Variants in BRWD3 observed in about 807,000 individuals in gnomAD.
The protein encoded by BRWD3 is bromodomain and WD repeat domain containing 3, also known as bromodomain and WD repeat-containing protein 3.
BRWD3 carries 10 observed loss-of-function variants against 149.7 expected under a neutral mutation model. That is an observed-to-expected ratio of 0.07 (90% CI 0.04 to 0.11). BRWD3 has a LOEUF of 0.11. BRWD3 is among the 10% of genes least tolerant of loss of function. BRWD3 has a pLI of 1.00. For missense variants in BRWD3, 940 were observed against 1,373.2 expected, an observed-to-expected ratio of 0.68 and a Z score of 4.99; for synonymous variants, 504 against 456.7, an observed-to-expected ratio of 1.10 and a Z score of -1.32.
chrX:80,733,690 G>A (rs1290415658), intron 11 of BRWD3, among the ~76,000 whole-genome samples, 194 bp from the exon 12 acceptor site: 1 of 109,607 alleles, frequency 9.1e-6, no homozygotes, highest in African/African-American at 3.3e-5. Context: ...CAGACATAGG[G>A]AAACCTCACA....
chrX:80,682,145 C>T (rs1168931455), intron 38 of BRWD3, 51 bp from the exon 39 acceptor site: 2 of 1,004,395 alleles, frequency 2.0e-6, no homozygotes, highest in Admixed American at 4.5e-5. Flanking sequence ...CTGTTAGCAA[C>T]ATATTATGAT....
chrX:80,778,802 C>G (rs1330667187), intron 6 of BRWD3, among the ~76,000 whole-genome samples: 2 of 111,520 alleles, frequency 1.8e-5, no homozygotes, highest in Non-Finnish European at 3.8e-5. Flanking sequence ...AGTTTGAGAC[C>G]AGCCCAGCCA....
At chrX:80,708,394 CTT>C (rs749740989) in intron 21 of BRWD3, among the ~76,000 whole-genome samples, 22 of 53,396 alleles carry the variant, frequency 4.1e-4, no homozygotes, top group African/African-American at 4.3e-4. Context: ...AGACTCTTGT[CTT>C]TTTTTTTTTT....
chrX:80,698,719 A>AT (rs2072738798), intron 25 of BRWD3, among the ~76,000 whole-genome samples: 1 of 107,546 alleles, frequency 9.3e-6, no homozygotes, highest in Non-Finnish European at 1.9e-5. Context: ...AAAAAAAAAA[A>AT]AAGAGTAAGA....
At position 80,742,914 on chromosome X, in the gene BRWD3, C is replaced by T. The variant is rs1299193209; in HGVS notation, c.813+1118G>A. 2.7e-5 allele frequency among the ~76,000 whole-genome samples: 3 copies of T among 111,153 alleles called. No homozygotes were observed. The East Asian group carries it at 8.5e-4, about 31-fold the overall frequency. On this transcript the variant is annotated intron_variant, in intron 8 of 40. Coordinates refer to ENST00000373275, the MANE Select transcript of BRWD3 (RefSeq NM_153252.5). ...CCTTCTCCTGCCTGATTGCCCTGGC[C>T]AGAACTTCCAGCACTATGTTGAATA...
In BRWD3 at chrX:80,670,976, G is replaced by A. The variant is rs1419647976; in HGVS notation, c.*5633C>T. On this transcript the variant is annotated 3_prime_UTR_variant, in exon 41 of 41. Coordinates refer to ENST00000373275, the MANE Select transcript of BRWD3 (RefSeq NM_153252.5). Reference sequence around the variant, plus strand: ...TGAACCTAGTGGAATGTTTGCCACTGGGAGACAAATTCTGGGTAACTATAT... The same window carrying A: ...TGAACCTAGTGGAATGTTTGCCACTAGGAGACAAATTCTGGGTAACTATAT... 2 of 111,005 alleles carry A rather than the reference G, an allele frequency of 1.8e-5. No individual in the cohort carries two copies. The highest frequency in any genetic ancestry group is 9.6e-5 in the Admixed American group (1 of 10,386). The allele number at this position is 111,005 out of a possible 1,213,427, so 9.1% of individuals were successfully genotyped here. A position where few individuals can be genotyped will look rare whatever the true frequency, so the allele number is the denominator to read the frequency against.
Position 80,719,597 on chromosome X carries a change from T to C in BRWD3, c.1936A>G (p.Ile646Val). Residue 646 changes from isoleucine (I) to valine (V), a missense_variant, in exon 18 of 41, where the codon ATT becomes GTT. This residue lies in a region of BRWD3 where 209 missense variants were observed against 396.8 expected (regional missense o/e 0.53). Transcript: ENST00000373275. ...AGCTCCCTGATTATTCCATCAAGAATGCTCTCATCTTGGTCATTGGTTTGC... is the reference window on the plus strand; with the variant it reads ...AGCTCCCTGATTATTCCATCAAGAACGCTCTCATCTTGGTCATTGGTTTGC... ...GQQTNDQDES[I>V]LDGIIRELQR... is the part of the protein sequence containing the mutation. The C allele has an allele frequency of 8.3e-7, 1 of 1,210,182 alleles. No homozygotes were observed. The highest frequency in any genetic ancestry group is 1.1e-6 in the Non-Finnish European group (1 of 894,317).
intron 6 of BRWD3, among the ~76,000 whole-genome samples, chrX:80,754,437 C>G (rs1016178395): frequency 8.9e-6 from 1 of 111,803 alleles, no homozygotes; most frequent in Non-Finnish European, 1.9e-5. Flanking sequence ...AGGTATAAGA[C>G]CATATCATCA....
chrX:80,744,521 C>T (rs984866764), intron 7 of BRWD3, among the ~76,000 whole-genome samples: 1 of 112,161 alleles, frequency 8.9e-6, no homozygotes. Context: ...ATTTTAAACT[C>T]ACTTTTTAGT....
rs764955772 is a variant in BRWD3 at position 80,726,027 on chromosome X, A to G, written c.1387-960T>C. On this transcript the variant is annotated intron_variant, in intron 14 of 40. Coordinates refer to ENST00000373275, the MANE Select transcript of BRWD3 (RefSeq NM_153252.5). ...TTTACATGTTATATGTCTATATAACATATAACATGTTTACATGTTATGTCT... is the reference window on the plus strand; with the variant it reads ...TTTACATGTTATATGTCTATATAACGTATAACATGTTTACATGTTATGTCT... 4.8e-3 allele frequency among the ~76,000 whole-genome samples: 449 copies of G among 94,097 alleles called. 3 individuals carry two copies. Among genetic ancestry groups the G allele is most frequent in the Non-Finnish European group, 7.3e-3 (372 of 50,861 alleles). 81.7% of individuals were successfully genotyped at this position (94,097 alleles called of 115,157 possible).
chrX:80,808,950 T>G (rs2074380382), intron 3 of BRWD3, 63 bp downstream of exon 3: 21 of 1,136,506 alleles, frequency 1.8e-5, no homozygotes, highest in Non-Finnish European at 2.4e-5. Context: ...CGCCCCTGAC[T>G]TGCCCTCCCC....
At chrX:80,740,099 T>C (rs1405098745) in intron 8 of BRWD3, among the ~76,000 whole-genome samples, 1 of 112,045 alleles carries the variant, frequency 8.9e-6, no homozygotes, top group Admixed American at 9.5e-5. Flanking sequence ...AATGTTGACA[T>C]GAATTTTTTT....
In BRWD3 at chrX:80,793,542, G is replaced by A. The variant is rs1314543428; in HGVS notation, c.331+80C>T. The A allele has an allele frequency of 5.0e-6, 5 of 1,001,771 alleles. No homozygotes were observed. The East Asian group carries it at 1.5e-4, about 31-fold the overall frequency. 82.6% of individuals were successfully genotyped at this position (1,001,771 alleles called of 1,213,427 possible). A position where few individuals can be genotyped will look rare whatever the true frequency, so the allele number is the denominator to read the frequency against. Reference sequence around the variant, plus strand: ...AAAAACTAGTATTTAGAAAAGCATGGGAACATTTACTCAATCTAAAAATAA... The same window carrying A: ...AAAAACTAGTATTTAGAAAAGCATGAGAACATTTACTCAATCTAAAAATAA... On this transcript the variant is annotated intron_variant, in intron 5 of 40. Transcript: ENST00000373275.
chrX:80,763,283 T>C (rs934172389), intron 6 of BRWD3, among the ~76,000 whole-genome samples: 8 of 111,681 alleles, frequency 7.2e-5, no homozygotes, highest in African/African-American at 2.6e-4. Flanking sequence ...GGCAATCTTG[T>C]TTCAAAGGCT....
In BRWD3 at chrX:80,692,162, T is replaced by G. The variant is rs757663009; in HGVS notation, c.3264-12A>C. 2 of 1,189,333 alleles carry G rather than the reference T, an allele frequency of 1.7e-6. No homozygotes were observed. The highest frequency in any genetic ancestry group is 2.3e-6 in the Non-Finnish European group (2 of 876,549). On this transcript the variant is annotated splice_polypyrimidine_tract_variant and intron_variant, in intron 28 of 40. Coordinates refer to ENST00000373275, the MANE Select transcript of BRWD3 (RefSeq NM_153252.5). Reference sequence around the variant, plus strand: ...CATTATTGTCCCAGCTATTAAAAAATAAGAAGATGCAAATCAAATTAATCA... The same window carrying G: ...CATTATTGTCCCAGCTATTAAAAAAGAAGAAGATGCAAATCAAATTAATCA...
rs542195139 is a variant in BRWD3, at chrX:80,748,053, C to T, written c.431-2324G>A. On this transcript the variant is annotated intron_variant, in intron 6 of 40. Coordinates refer to ENST00000373275, the MANE Select transcript of BRWD3 (RefSeq NM_153252.5). ...AGATGGAGTTTCAACATGTTAGTCA[C>T]GCTGGTCTTGAACTCCTGACCTCAG... Among the ~76,000 whole-genome samples, 9 of 111,580 alleles carry T rather than the reference C, an allele frequency of 8.1e-5. No individual in the cohort carries two copies. The East Asian group carries it at 1.1e-3, about 14-fold the overall frequency.
chrX:80,775,894 A>G (rs2073995987), intron 6 of BRWD3, among the ~76,000 whole-genome samples: 1 of 112,042 alleles, frequency 8.9e-6, no homozygotes. Flanking sequence ...ATCTCATTTG[A>G]GTTCACAGTA....
Position 80,793,759 on chromosome X carries a change from G to A in BRWD3, c.194C>T (p.Ala65Val). 1 of 1,207,848 alleles carries A rather than the reference G, an allele frequency of 8.3e-7. No individual in the cohort carries two copies. Among genetic ancestry groups the A allele is most frequent in the Non-Finnish European group, 1.1e-6 (1 of 892,128 alleles). Reference protein sequence around the residue: ...RSFEDLVAANAHIPPDYLLKI... With the variant: ...RSFEDLVAANVHIPPDYLLKI... ...AAGGAGGTAGTCTGGAGGAATGTGTGCATTTGCTGCCACCTAAAAAAGTAT... is the reference window on the plus strand; with the variant it reads ...AAGGAGGTAGTCTGGAGGAATGTGTACATTTGCTGCCACCTAAAAAAGTAT... Residue 65 changes from alanine to valine, a missense_variant, in exon 5 of 41, where the codon GCA (alanine) becomes GTA (valine). By Grantham distance (64) the Ala-to-Val change is moderately conservative (BLOSUM62 0). Transcript: ENST00000373275.
rs59358158 is a variant in BRWD3, at chrX:80,809,136, T to C, written c.91-94A>G. On this transcript the variant is annotated intron_variant, in intron 2 of 40. Coordinates refer to ENST00000373275, the MANE Select transcript of BRWD3 (RefSeq NM_153252.5). The stretch of plus-strand genomic sequence containing the variant: ...AAAGCCCAGCCGCTGACCGTTTGAC[T>C]AGTCAAGGCCGGCCTTTCCCTCACC... The C allele has an allele frequency of 0.15, 172,618 of 1,141,252 alleles. 11,254 individuals carry two copies. Among genetic ancestry groups the C allele is most frequent in the East Asian group, 0.51 (15,931 of 31,151 alleles). The allele number at this position is 1,141,252 out of a possible 1,213,427, so 94.1% of individuals were successfully genotyped here.
Sources: gnomAD v4.1 joint callset for allele counts (sites outside exome capture counted in the v4.1 genomes callset) on GRCh38, gnomAD v4.1.1 for gene constraint, gnomAD v4.1.1 regional missense constraint, MANE v1.5 for transcripts, NCBI Gene and HGNC (gene_info 2026-07-23, HGNC 2026-07-21) for gene names.